TENM3: variants seen among roughly 807,000 people sequenced by gnomAD.
The protein encoded by TENM3 is teneurin-3.
Under a neutral mutation model 255.1 loss-of-function variants are expected in TENM3, and 63 were observed. The ratio of observed to expected loss-of-function variants is 0.25; its 90% confidence interval spans 0.20 to 0.30. The LOEUF (loss-of-function observed/expected upper bound fraction) is 0.30, where lower values mean the gene tolerates loss of function less well. TENM3 is among the 10% of genes least tolerant of loss of function. TENM3 has a pLI of 1.00. For synonymous variants in TENM3, 1,306 were observed against 1,322.3 expected (o/e 0.99, Z 0.27); for missense variants, 2,929 against 3,461.1 (o/e 0.85, Z 3.86).
rs77704253 is a variant in TENM3 at position 182,601,296 on chromosome 4, A to G, written c.749+135A>G. ...TTTTCTTTTTTCTTCTCTAAGAAGC[A>G]GTTCCAGATTGTTGTGATTTTTTTA... On this transcript the variant is annotated intron_variant, in intron 4 of 27. Coordinates refer to ENST00000511685, the MANE Select transcript of TENM3 (RefSeq NM_001080477.4). 15,230 of 718,314 alleles carry G rather than the reference A, an allele frequency of 0.021. 651 individuals carry two copies. Among genetic ancestry groups the G allele is most frequent in the East Asian group, 0.15 (5,373 of 37,040 alleles). The allele number at this position is 718,314 out of a possible 1,614,324, so 44.5% of individuals were successfully genotyped here.
At chr4:181,527,707 G>C in the TENM3 span, among the ~76,000 whole-genome samples, 4 of 149,964 alleles carry the variant, frequency 2.7e-5, no homozygotes, top group African/African-American at 9.8e-5. Flanking sequence ...ATATATGAAA[G>C]TGTGTATTCA....
At chr4:182,550,775 A>G (rs796728700) in intron 3 of TENM3, among the ~76,000 whole-genome samples, 2 of 152,348 alleles carry the variant, frequency 1.3e-5, no homozygotes, top group African/African-American at 4.8e-5. Context: ...ATAGTGCTTA[A>G]CACAGAGCAG....
At chr4:182,670,866 A>G (rs576190462) in intron 6 of TENM3, among the ~76,000 whole-genome samples, 2 of 152,166 alleles carry the variant, frequency 1.3e-5, no homozygotes, top group Non-Finnish European at 2.9e-5. Flanking sequence ...TCGAAATGCA[A>G]TTTACCCATA....
At chr4:181,473,695 G>A in the TENM3 span, among the ~76,000 whole-genome samples, 1 of 143,582 alleles carries the variant, frequency 7.0e-6, no homozygotes, top group Non-Finnish European at 1.5e-5. Flanking sequence ...ATGCCTATGG[G>A]TTGCCCTTTT....
At chr4:182,597,064 T>C (rs1747313392) in intron 3 of TENM3, among the ~76,000 whole-genome samples, 1 of 152,260 alleles carries the variant, frequency 6.6e-6, no homozygotes, top group Non-Finnish European at 1.5e-5. Context: ...ATTTTGAACC[T>C]TGGTCACAAA....
chr4:181,602,200 T>C, the TENM3 span, among the ~76,000 whole-genome samples: 1 of 152,194 alleles, frequency 6.6e-6, no homozygotes, highest in African/African-American at 2.4e-5. Flanking sequence ...TACTCAACTT[T>C]ATGAGATAAA....
At chr4:181,779,236 T>G in the TENM3 span, among the ~76,000 whole-genome samples, 9 of 150,584 alleles carry the variant, frequency 6.0e-5, no homozygotes, top group Non-Finnish European at 1.0e-4. Context: ...TCCAAAGCTT[T>G]CTTTCTTCTT....
At chr4:182,424,650 A>T (rs1771074388) in intron 3 of TENM3, among the ~76,000 whole-genome samples, 1 of 152,144 alleles carries the variant, frequency 6.6e-6, no homozygotes, top group African/African-American at 2.4e-5. Context: ...AATCTGCCTA[A>T]AACGAACTAA....
intron 1 of TENM3, among the ~76,000 whole-genome samples, chr4:182,253,417 G>C (rs1758166841): frequency 6.6e-6 from 1 of 152,190 alleles, no homozygotes; most frequent in Non-Finnish European, 1.5e-5. Context: ...AGGTTGTAGT[G>C]AGCTGAGATC....
chr4:181,835,511 A>T, the TENM3 span, among the ~76,000 whole-genome samples: 1 of 152,232 alleles, frequency 6.6e-6, no homozygotes, highest in African/African-American at 2.4e-5. Context: ...GAGTGATCAC[A>T]AAAAGACAAC....
chr4:182,321,454 C>T (rs368237953), intron 1 of TENM3, among the ~76,000 whole-genome samples: 83 of 152,002 alleles, frequency 5.5e-4, no homozygotes, highest in African/African-American at 1.9e-3. Context: ...GGTGAAACCC[C>T]GTCTCCACTA....
At chr4:181,569,456 A>G in the TENM3 span, among the ~76,000 whole-genome samples, 1 of 152,142 alleles carries the variant, frequency 6.6e-6, no homozygotes, top group Non-Finnish European at 1.5e-5. Flanking sequence ...GAATGTAAGG[A>G]TTGTAGAATC....
At chr4:182,225,988 A>G (rs532483512) in intron 1 of TENM3, among the ~76,000 whole-genome samples, 1 of 152,326 alleles carries the variant, frequency 6.6e-6, no homozygotes, top group East Asian at 1.9e-4. Flanking sequence ...ACCATCGGGA[A>G]ATACAGACCA....
chr4:182,698,574 C>T (rs996212964), intron 12 of TENM3, among the ~76,000 whole-genome samples: 3 of 152,234 alleles, frequency 2.0e-5, no homozygotes, highest in East Asian at 1.9e-4. Context: ...TGTGGATACA[C>T]GTTCTCCAGT....
At chr4:181,953,298 G>GATC in the TENM3 span, among the ~76,000 whole-genome samples, 96 of 151,162 alleles carry the variant, frequency 6.4e-4, 1 homozygote, top group Middle Eastern at 3.6e-3. Flanking sequence ...TCATCATCAT[G>GATC]ATCATCAGTC....
At chr4:182,385,316 G>A (rs1767840737) in intron 3 of TENM3, among the ~76,000 whole-genome samples, 1 of 138,770 alleles carries the variant, frequency 7.2e-6, no homozygotes, top group African/African-American at 2.7e-5. Context: ...TCACACTGGA[G>A]TGCAGAGGCA....
At chr4:182,128,177 GA>G in the TENM3 span, among the ~76,000 whole-genome samples, 1 of 151,892 alleles carries the variant, frequency 6.6e-6, no homozygotes, top group Admixed American at 6.6e-5. Context: ...AAAAAACGCA[GA>G]AACCCTATTT....
At chr4:182,202,900 T>C (rs915629180) in intron 1 of TENM3, among the ~76,000 whole-genome samples, 1 of 152,070 alleles carries the variant, frequency 6.6e-6, no homozygotes, top group Admixed American at 6.5e-5. Context: ...CCCCAAGCCC[T>C]GGGAGACAAT....
At chr4:181,525,238 C>A in the TENM3 span, among the ~76,000 whole-genome samples, 2 of 151,778 alleles carry the variant, frequency 1.3e-5, no homozygotes, top group Non-Finnish European at 2.9e-5. Flanking sequence ...TGGTGAAACC[C>A]CGTCTCTACC....
Sources: gnomAD v4.1 joint callset for allele counts (sites outside exome capture counted in the v4.1 genomes callset) on GRCh38, gnomAD v4.1.1 for gene constraint, MANE v1.5 for transcripts, NCBI Gene and HGNC (gene_info 2026-07-23, HGNC 2026-07-21) for gene names.